LRP1: variants seen among roughly 807,000 people sequenced by gnomAD.
The protein encoded by LRP1 is LDL receptor related protein 1.
Under a neutral mutation model 541.5 loss-of-function variants are expected in LRP1, and 51 were observed. That is an observed-to-expected ratio of 0.09 (90% confidence interval 0.08 to 0.12). The LOEUF (loss-of-function observed/expected upper bound fraction) is 0.12. LRP1 is among the 10% of genes least tolerant of loss of function. LRP1 has a pLI of 1.00. For synonymous variants in LRP1, 2,219 were observed against 2,470.8 expected, an observed-to-expected ratio of 0.90 and a Z score of 3.02; for missense variants, 3,878 against 6,376.2, an observed-to-expected ratio of 0.61 and a Z score of 13.34.
rs1395342141 is a variant in LRP1, at chr12:57,193,549, T to G, written c.7685-17T>G. ...CTGTGCCTGTGGCTGACACGCAGCC[T>G]ACTCCTCCATTTGCAGACTCCCGCC... is the stretch of plus-strand genomic sequence containing the variant. On this transcript the variant is annotated splice_polypyrimidine_tract_variant and intron_variant, in intron 46 of 88. Transcript: ENST00000243077. 6 of 1,612,226 alleles carry G rather than the reference T, an allele frequency of 3.7e-6. 1 individual carries two copies. Among genetic ancestry groups the G allele is most frequent in the Non-Finnish European group, 5.1e-6 (6 of 1,179,056 alleles).
At position 57,201,349 on chromosome 12, in the gene LRP1, A is replaced by AG. The variant is rs2036650479; in HGVS notation, c.10346-147dup. ...AGACATAGAGATCCAGAAAACAAAAAGCACCAAAACTGGGGATAAACTGTT... is the reference window on the plus strand; with the variant it reads ...AGACATAGAGATCCAGAAAACAAAAAGGCACCAAAACTGGGGATAAACTGTT... On this transcript the variant is annotated intron_variant, in intron 65 of 88. Transcript: ENST00000243077. The surrounding 1 kb of genome is among the most constrained non-coding windows in gnomAD (Gnocchi z 6.4). 4.3e-6 allele frequency: 6 copies of AG among 1,392,874 alleles called. No homozygotes were observed. In the Admixed American group the frequency reaches 1.4e-4, roughly 33 times the overall value. The allele number at this position is 1,392,874 out of a possible 1,614,324, so 86.3% of individuals were successfully genotyped here. A position where few individuals can be genotyped will look rare whatever the true frequency, so the allele number is the denominator to read the frequency against.
chr12:57,211,463 C>T lies in LRP1; in HGVS notation c.13092-24C>T, dbSNP rs1389951677. The T allele has an allele frequency of 6.2e-7, 1 of 1,612,522 alleles. No individual in the cohort carries two copies. Among genetic ancestry groups the T allele is most frequent in the African/African-American group, 1.3e-5 (1 of 74,926 alleles). On this transcript the variant is annotated intron_variant, in intron 84 of 88. Coordinates refer to ENST00000243077, the MANE Select transcript of LRP1 (RefSeq NM_002332.3). The surrounding 1 kb of genome is among the most constrained non-coding windows in gnomAD (Gnocchi z 4.3). ...AGGCACGCCTCTGCCAGCCCCAGCC[C>T]CAGCCTCTGATTCCTTCCTGCAGCT...
rs1256195529 is a variant in LRP1 at position 57,154,323 on chromosome 12, C to T, written c.957C>T (p.Asp319=). ...GGGACACATGTGTCACATTGCTAGA[C>T]CTGGAACTCTACAACCCCAAGGGCA... The part of the protein sequence containing the change: ...RNGDTCVTLL[D]LELYNPKGIA... Residue 319 remains aspartate (D), a synonymous_variant, in exon 7 of 89, where the codon GAC becomes GAT. Coordinates refer to ENST00000243077, the MANE Select transcript of LRP1 (RefSeq NM_002332.3). The surrounding 1 kb of genome is among the most constrained non-coding windows in gnomAD (Gnocchi z 4.6). 4 of 1,614,146 alleles carry T rather than the reference C, an allele frequency of 2.5e-6. No individual in the cohort carries two copies. The South Asian group carries it at 3.3e-5, about 13-fold the overall frequency.
chr12:57,181,577 T>C (rs541050248), intron 34 of LRP1, among the ~76,000 whole-genome samples: 1 of 152,304 alleles, frequency 6.6e-6, no homozygotes, highest in South Asian at 2.1e-4. Flanking sequence ...GAGGGAACTA[T>C]ACACAAGGCA....
chr12:57,177,275 C>G lies in LRP1; in HGVS notation c.4196+30C>G, dbSNP rs1485352707. 1 of 1,608,014 alleles carries G rather than the reference C, an allele frequency of 6.2e-7. No homozygotes were observed. The highest frequency in any genetic ancestry group is 8.5e-7 in the Non-Finnish European group (1 of 1,175,546). On this transcript the variant is annotated intron_variant, in intron 25 of 88. Coordinates refer to ENST00000243077, the MANE Select transcript of LRP1 (RefSeq NM_002332.3). The surrounding 1 kb of genome is among the most constrained non-coding windows in gnomAD (Gnocchi z 6.8). ...GGACCTTGCCCAGCCTTCTCCTGGCCCCATGGCCCCCCTGAAGTCCCATTC... is the reference window on the plus strand; with the variant it reads ...GGACCTTGCCCAGCCTTCTCCTGGCGCCATGGCCCCCCTGAAGTCCCATTC...
At position 57,202,000 on chromosome 12, in the gene LRP1, C is replaced by G; in HGVS notation, c.10594+95C>G. ...GGAGGGCTGGGGGCCGCCTGCTTACCGGTCTCAGCGTGGCCCTGCTGCTGG... is the reference window on the plus strand; with the variant it reads ...GGAGGGCTGGGGGCCGCCTGCTTACGGGTCTCAGCGTGGCCCTGCTGCTGG... On this transcript the variant is annotated intron_variant, in intron 67 of 88. Coordinates refer to ENST00000243077, the MANE Select transcript of LRP1 (RefSeq NM_002332.3). The surrounding 1 kb of genome is among the most constrained non-coding windows in gnomAD (Gnocchi z 6.4). 6.6e-7 allele frequency: 1 copy of G among 1,526,622 alleles called. No homozygotes were observed. 94.6% of individuals were successfully genotyped at this position (1,526,622 alleles called of 1,614,324 possible).
intron 23 of LRP1, 91 bp from the exon 24 acceptor site, chr12:57,175,818 G>A: frequency 6.4e-7 from 1 of 1,570,974 alleles, no homozygotes; most frequent in Non-Finnish European, 8.6e-7. Context: ...AGCCCCCAGT[G>A]CCCGGACCAG....
Position 57,212,237 on chromosome 12 carries a change from T to C in LRP1, c.13470T>C (p.Ala4490=). The change falls in exon 88 of 89, where the codon GCT becomes GCC. Residue 4490 remains alanine, a synonymous_variant. Coordinates refer to ENST00000243077, the MANE Select transcript of LRP1 (RefSeq NM_002332.3). This position sits in a 1 kb window ranked among gnomAD's most constrained non-coding sequence, Gnocchi z 5.0. ...EPDDVGGLLD[A]DFALDPDKPT... ...ATGATGTGGGAGGCCTACTGGACGC[T>C]GACTTTGCCCTGGACCCTGACAAGG... 6.2e-7 allele frequency: 1 copy of C among 1,613,748 alleles called. No individual in the cohort carries two copies. The highest frequency in any genetic ancestry group is 8.5e-7 in the Non-Finnish European group (1 of 1,179,940).
Position 57,173,432 on chromosome 12 carries a change from G to A in LRP1, c.3346+82G>A, listed in dbSNP as rs923519301. On this transcript the variant is annotated intron_variant, in intron 21 of 88. Transcript: ENST00000243077. The surrounding 1 kb of genome is among the most constrained non-coding windows in gnomAD (Gnocchi z 4.7). ...GTGTTGAGAGCAGAGTAGCGGCAAA[G>A]GGGATGGCACTGTGCTGTGTGGAGT... The A allele has an allele frequency of 8.3e-6, 12 of 1,443,604 alleles. No homozygotes were observed. In the East Asian group the frequency reaches 2.6e-4, roughly 31 times the overall value. 89.4% of individuals were successfully genotyped at this position (1,443,604 alleles called of 1,614,324 possible).
intron 1 of LRP1, among the ~76,000 whole-genome samples, chr12:57,131,134 A>G (rs1208288291): frequency 6.6e-6 from 1 of 152,058 alleles, no homozygotes; most frequent in East Asian, 1.9e-4. Context: ...GAGAATGGAG[A>G]TGACCCAGCT....
intron 79 of LRP1, 28 bp downstream of exon 79, chr12:57,209,227 C>G: frequency 6.4e-7 from 1 of 1,567,156 alleles, no homozygotes. Flanking sequence ...GTCGCAGTCC[C>G]CAGCCCTGTC....
intron 42 of LRP1, among the ~76,000 whole-genome samples, chr12:57,190,461 G>T (rs995996353): frequency 2.6e-5 from 4 of 152,364 alleles, no homozygotes; most frequent in Admixed American, 2.6e-4. Context: ...TTGCCTAAGG[G>T]CACCTAGCTG....
intron 79 of LRP1, 69 bp from the exon 80 acceptor site, chr12:57,209,623 G>T (rs1430594292): frequency 1.3e-5 from 18 of 1,349,542 alleles, no homozygotes; most frequent in Non-Finnish European, 1.9e-5. Flanking sequence ...ACAGGTGCCA[G>T]TGTCGTGGAC....
rs1249910427 is a variant in LRP1, at chr12:57,160,002, A to G, written c.1976A>G (p.Asn659Ser). ...HPRAIVVDPL[N>S]GWMYWTDWEE... The stretch of plus-strand genomic sequence containing the variant: ...AGGGCTATTGTGGTGGATCCACTCA[A>G]TGGGTGAGTCCTCCCAGGCCTTGGG... Residue 659 changes from asparagine (N) to serine (S), a missense_variant, in exon 12 of 89, where the codon AAT (asparagine) becomes AGT (serine). By Grantham distance (46) the Asn-to-Ser change is conservative. Around this residue, in one of 13 missense-constraint regions of LRP1, gnomAD observed 496 missense variants for 861.0 expected, o/e 0.58. Transcript: ENST00000243077. 5.6e-6 allele frequency: 9 copies of G among 1,613,822 alleles called. No homozygotes were observed. The highest frequency in any genetic ancestry group is 2.2e-5 in the East Asian group (1 of 44,870).
rs2036780992 is a variant in LRP1 at position 57,206,441 on chromosome 12, A to G, written c.11591-32A>G. On this transcript the variant is annotated intron_variant, in intron 75 of 88. Coordinates refer to ENST00000243077, the MANE Select transcript of LRP1 (RefSeq NM_002332.3). This position sits in a 1 kb window ranked among gnomAD's most constrained non-coding sequence, Gnocchi z 4.7. Reference sequence around the variant, plus strand: ...TGGGTGGGGTGCACACCTGCATCCCACAGCCCCAGCCCTGGCCTCTTGCTT... The same window carrying G: ...TGGGTGGGGTGCACACCTGCATCCCGCAGCCCCAGCCCTGGCCTCTTGCTT... The G allele has an allele frequency of 6.2e-7, 1 of 1,609,292 alleles. No individual in the cohort carries two copies. Among genetic ancestry groups the G allele is most frequent in the African/African-American group, 1.3e-5 (1 of 74,888 alleles).
intron 1 of LRP1, among the ~76,000 whole-genome samples, chr12:57,130,528 A>G (rs2035017708): frequency 6.7e-6 from 1 of 149,658 alleles, no homozygotes; most frequent in African/African-American, 2.5e-5. Context: ...TGTCATTATC[A>G]TGTGTTTTTC....
intron 42 of LRP1, 112 bp downstream of exon 42, chr12:57,187,568 C>A: frequency 9.7e-7 from 1 of 1,034,060 alleles, no homozygotes; most frequent in Non-Finnish European, 1.4e-6. Context: ...CTCACTTGAG[C>A]TCCACCCTTC....
Position 57,206,733 on chromosome 12 carries a change from C to T in LRP1, c.11851C>T (p.His3951Tyr), listed in dbSNP as rs760047428. The stretch of plus-strand genomic sequence containing the variant: ...GCGACAGATTGACCGGGGTGTCACC[C>T]ACCTCAACGTGAGTGCCCAACCTGG... Reference protein sequence around the residue: ...HRRQIDRGVTHLNISGLKMPR... With the variant: ...HRRQIDRGVTYLNISGLKMPR... The change falls in exon 76 of 89, where the codon CAC (histidine) becomes TAC (tyrosine). Residue 3951 changes from histidine (H) to tyrosine (Y), a missense_variant. Around this residue, in one of 13 missense-constraint regions of LRP1, gnomAD observed 871 missense variants for 1,212.4 expected, o/e 0.72. Transcript: ENST00000243077. The surrounding 1 kb of genome is among the most constrained non-coding windows in gnomAD (Gnocchi z 4.7). 20 of 1,611,696 alleles carry T rather than the reference C, an allele frequency of 1.2e-5. No homozygotes were observed. In the South Asian group the frequency reaches 2.2e-4, roughly 18 times the overall value.
At chr12:57,182,090 A>G (rs374196006) in intron 34 of LRP1, among the ~76,000 whole-genome samples, 1 of 152,076 alleles carries the variant, frequency 6.6e-6, no homozygotes, top group East Asian at 1.9e-4. Flanking sequence ...TCACTTGACC[A>G]TTCATTTTTT....
Sources: gnomAD v4.1 joint callset for allele counts (sites outside exome capture counted in the v4.1 genomes callset) on GRCh38, gnomAD v4.1.1 for gene constraint, gnomAD v4.1.1 regional missense constraint, Gnocchi (gnomAD v3.1) non-coding constraint, MANE v1.5 for transcripts, NCBI Gene and HGNC (gene_info 2026-07-23, HGNC 2026-07-21) for gene names.